COA1: variants seen among roughly 807,000 people sequenced by gnomAD.
The protein encoded by COA1 is cytochrome c oxidase assembly factor 1 homolog.
In COA1, 13 loss-of-function variants were observed where a neutral mutation model predicts 16.0. That is an observed-to-expected ratio of 0.81 (90% CI 0.53 to 1.29). COA1 has a LOEUF of 1.29. Ranked by LOEUF, COA1 falls within the 50% of genes most tolerant of loss-of-function variation. The pLI, the probability that COA1 is intolerant of heterozygous loss-of-function variation, is 0.00. For synonymous variants in COA1, 65 were observed against 65.7 expected (o/e 0.99, Z 0.05); for missense variants, 179 against 177.0 (o/e 1.01, Z -0.06).
At chr7:43,628,319 G>A (rs368456924) in intron 6 of COA1, among the ~76,000 whole-genome samples, 7 of 152,166 alleles carry the variant, frequency 4.6e-5, no homozygotes, top group Middle Eastern at 3.4e-3. Flanking sequence ...TTGTTGTGTC[G>A]TGCTATTTGA....
intron 1 of COA1, among the ~76,000 whole-genome samples, chr7:43,683,476 T>C (rs887307503): frequency 6.6e-6 from 1 of 151,818 alleles, no homozygotes; most frequent in Non-Finnish European, 1.5e-5. Context: ...ACTAAAAAAA[T>C]ACAAAAAGTT....
At chr7:43,725,028 C>T (rs1232524629) in intron 1 of COA1, among the ~76,000 whole-genome samples, 4 of 152,292 alleles carry the variant, frequency 2.6e-5, no homozygotes, top group Admixed American at 6.5e-5. Context: ...CACCTGAGGT[C>T]GAGAGTTCAA....
In COA1 at chr7:43,725,820, T is replaced by G. The variant is rs184049359; in HGVS notation, c.-39+3609A>C. Among the ~76,000 whole-genome samples, 3 of 151,414 alleles carry G rather than the reference T, an allele frequency of 2.0e-5. No homozygotes were observed. In the East Asian group the frequency reaches 5.8e-4, roughly 29 times the overall value. On this transcript the variant is annotated intron_variant, in intron 1 of 5. Coordinates refer to ENST00000223336, the MANE Select transcript of COA1 (RefSeq NM_018224.4). ...GTTGCAGTAAGCCGAGATCGCACCA[T>G]TGCACTCCAGCCTGGGTACCAAGAG... is the stretch of plus-strand genomic sequence containing the variant.
chr7:43,684,740 G>A (rs1345991110), intron 1 of COA1, among the ~76,000 whole-genome samples: 1 of 152,054 alleles, frequency 6.6e-6, no homozygotes, highest in Non-Finnish European at 1.5e-5. Context: ...ATACTTGACT[G>A]CTTGCTCAAA....
intron 1 of COA1, among the ~76,000 whole-genome samples, chr7:43,690,442 CAT>C (rs985722725): frequency 5.3e-5 from 8 of 151,478 alleles, no homozygotes; most frequent in East Asian, 3.9e-4. Flanking sequence ...CACACACACA[CAT>C]ATATACACAC....
chr7:43,611,776 CTGTT>C (rs2082902446), intron 6 of COA1, among the ~76,000 whole-genome samples: 1 of 152,118 alleles, frequency 6.6e-6, no homozygotes, highest in Non-Finnish European at 1.5e-5. Context: ...AATCGTGTAT[CTGTT>C]TTATTTTTTA....
chr7:43,695,107 T>C (rs909532199), intron 1 of COA1, among the ~76,000 whole-genome samples: 2 of 152,238 alleles, frequency 1.3e-5, no homozygotes, highest in Non-Finnish European at 2.9e-5. Flanking sequence ...CCATCATCTC[T>C]TCCCTGGATC....
chr7:43,709,861 A>C (rs1359291122), intron 1 of COA1, among the ~76,000 whole-genome samples: 1 of 152,182 alleles, frequency 6.6e-6, no homozygotes, highest in Admixed American at 6.5e-5. Context: ...CCAGCCTAGA[A>C]GGGGTACCTA....
chr7:43,725,766 G>A (rs1421906084), intron 1 of COA1, among the ~76,000 whole-genome samples: 1 of 151,938 alleles, frequency 6.6e-6, no homozygotes, highest in East Asian at 1.9e-4. Context: ...GGCTGGGGCA[G>A]GAGAATCACT....
intron 1 of COA1, among the ~76,000 whole-genome samples, chr7:43,710,649 T>A (rs2095214888): frequency 1.3e-5 from 2 of 152,088 alleles, no homozygotes; most frequent in South Asian, 4.1e-4. Context: ...ACATAAACTA[T>A]CTCATTTTAT....
chr7:43,611,468 A>G (rs1044091569), intron 6 of COA1, among the ~76,000 whole-genome samples: 4 of 152,190 alleles, frequency 2.6e-5, no homozygotes, highest in African/African-American at 7.2e-5. Context: ...GCACACCCAC[A>G]CGCTGAGGTG....
At chr7:43,643,560 C>T (rs572598803) in intron 4 of COA1, among the ~76,000 whole-genome samples, 7 of 152,338 alleles carry the variant, frequency 4.6e-5, no homozygotes, top group African/African-American at 1.7e-4. Context: ...GTGTCGCTGC[C>T]GTCCTTCCAC....
At chr7:43,715,276 G>C (rs1378547303) in intron 1 of COA1, among the ~76,000 whole-genome samples, 5 of 151,988 alleles carry the variant, frequency 3.3e-5, no homozygotes, top group African/African-American at 4.8e-5. Flanking sequence ...TAAATTGAAT[G>C]TTAAGGGTAT....
intron 4 of COA1, chr7:43,640,893 A>G (rs920177457): frequency 6.9e-6 from 3 of 434,818 alleles, no homozygotes; most frequent in African/African-American, 6.2e-5. Context: ...TCCTATGTCA[A>G]TGCTCTGGGT....
Position 43,666,743 on chromosome 7 carries a change from G to A in COA1, c.-38-18091C>T. Among the ~76,000 whole-genome samples the A allele has an allele frequency of 1.3e-5, 2 of 152,164 alleles. 1 individual carries two copies. The highest frequency in any genetic ancestry group is 2.9e-5 in the Non-Finnish European group (2 of 68,008). ...AAGGCTGGGACATATAGAGCTGGATGCTGAAAAGTCAAACTTTTATCTGCA... is the reference window on the plus strand; with the variant it reads ...AAGGCTGGGACATATAGAGCTGGATACTGAAAAGTCAAACTTTTATCTGCA... On this transcript the variant is annotated intron_variant, in intron 1 of 5. Transcript: ENST00000223336.
chr7:43,715,830 A>G (rs1288997172), intron 1 of COA1, among the ~76,000 whole-genome samples: 1 of 152,180 alleles, frequency 6.6e-6, no homozygotes, highest in Non-Finnish European at 1.5e-5. Flanking sequence ...TCGTACTCCC[A>G]TAATTCCCAC....
At chr7:43,624,979 T>G in intron 6 of COA1, 1 of 832,170 alleles carries the variant, frequency 1.2e-6, no homozygotes, top group Non-Finnish European at 1.7e-6. Flanking sequence ...CTTTGTCAAA[T>G]TTGTGGAGTT....
chr7:43,676,547 CTCATA>C (rs1037454817), intron 1 of COA1, among the ~76,000 whole-genome samples: 1 of 152,090 alleles, frequency 6.6e-6, no homozygotes, highest in Non-Finnish European at 1.5e-5. Flanking sequence ...AAAAGTTGAT[CTCATA>C]TAAGTAAAAA....
chr7:43,708,239 G>A (rs1020917804), intron 1 of COA1, among the ~76,000 whole-genome samples: 6 of 152,132 alleles, frequency 3.9e-5, no homozygotes, highest in South Asian at 4.1e-4. Context: ...ACGCTGAGGC[G>A]GAGGGATCAC....
Sources: allele counts gnomAD v4.1 joint callset (sites outside exome capture counted in the v4.1 genomes callset), GRCh38; gene constraint gnomAD v4.1.1; transcripts MANE v1.5; gene names NCBI Gene and HGNC (gene_info 2026-07-23, HGNC 2026-07-21).